DMD: variants seen among roughly 807,000 people sequenced by gnomAD.
DMD encodes mutant dystrophin.
DMD carries 63 observed loss-of-function variants against 330.1 expected under a neutral mutation model. That is an observed-to-expected ratio of 0.19 (90% CI 0.16 to 0.24). The LOEUF is 0.24. DMD is among the 10% of genes least tolerant of loss of function. DMD has a pLI of 1.00. For missense variants in DMD, 3,344 were observed against 2,684.1 expected (o/e 1.25, Z -5.43); for synonymous variants, 1,223 against 959.8 (o/e 1.27, Z -5.07).
intron 11 of DMD, among the ~76,000 whole-genome samples, chrX:32,631,851 A>T (rs1263263463): frequency 9.0e-6 from 1 of 111,288 alleles, no homozygotes; most frequent in Non-Finnish European, 1.9e-5. Flanking sequence ...TGAGGATTGT[A>T]ATTCAATGTG....
chrX:32,269,105 C>A (rs1414774721), intron 43 of DMD, among the ~76,000 whole-genome samples: 1 of 111,137 alleles, frequency 9.0e-6, no homozygotes, highest in Non-Finnish European at 1.9e-5. Context: ...TGGGCTCCCG[C>A]GTGCGCACTA....
At chrX:31,864,157 TA>T (rs747215347) in intron 48 of DMD, among the ~76,000 whole-genome samples, 32 of 111,484 alleles carry the variant, frequency 2.9e-4, no homozygotes, top group African/African-American at 1.0e-3. Flanking sequence ...TTATTTTTTA[TA>T]AATACAATGG....
intron 60 of DMD, among the ~76,000 whole-genome samples, chrX:31,350,218 T>C (rs753288152): frequency 1.8e-5 from 2 of 111,471 alleles, no homozygotes; most frequent in Non-Finnish European, 3.8e-5. Flanking sequence ...ATATAACTCT[T>C]GTGCGTGGCT....
intron 1 of DMD, among the ~76,000 whole-genome samples, chrX:33,077,006 G>T (rs770869733): frequency 9.0e-6 from 1 of 110,807 alleles, no homozygotes; most frequent in African/African-American, 3.3e-5. Flanking sequence ...CTGTCTTCTT[G>T]CGCTGAGTCA....
chrX:33,051,170 T>C (rs2094451332), intron 1 of DMD, among the ~76,000 whole-genome samples: 1 of 110,773 alleles, frequency 9.0e-6, no homozygotes, highest in South Asian at 3.8e-4. Context: ...ACACACTTTT[T>C]TAGCAGATAT....
In DMD at chrX:31,726,703, A is replaced by C. The variant is rs181619524; in HGVS notation, c.7660+2928T>G. ...CAGGGCTGCAAATGACATTGTTTAG[A>C]TAAACATATCTTGTCAGAATTATCC... On this transcript the variant is annotated intron_variant, in intron 52 of 78. Transcript: ENST00000357033. Among the ~76,000 whole-genome samples, 79 of 112,149 alleles carry C rather than the reference A, an allele frequency of 7.0e-4. 1 individual carries two copies. The highest frequency in any genetic ancestry group is 6.0e-3 in the Admixed American group (63 of 10,573).
intron 44 of DMD, among the ~76,000 whole-genome samples, chrX:32,155,973 A>AACACACAC (rs60347530): frequency 0.025 from 2,351 of 95,701 alleles, 30 homozygotes; most frequent in South Asian, 0.043. Context: ...TTTGTCATTC[A>AACACACAC]ACACACACAC....
intron 2 of DMD, among the ~76,000 whole-genome samples, chrX:32,930,478 T>C (rs2089486137): frequency 9.0e-6 from 1 of 111,223 alleles, no homozygotes; most frequent in Non-Finnish European, 1.9e-5. Context: ...TTGTTATTTA[T>C]ACAACTAAAA....
chrX:31,551,431 A>G (rs17338611), intron 55 of DMD, among the ~76,000 whole-genome samples: 16,166 of 110,450 alleles, frequency 0.15, 950 homozygotes, highest in Middle Eastern at 0.23. Context: ...GGACATGGAA[A>G]GGATACCTGC....
At chrX:31,535,860 A>G (rs1441266742) in intron 55 of DMD, among the ~76,000 whole-genome samples, 2 of 111,760 alleles carry the variant, frequency 1.8e-5, no homozygotes, top group Non-Finnish European at 3.8e-5. Flanking sequence ...GTTATAAAAG[A>G]ATGATATCAG....
chrX:32,200,602 TCACA>T (rs199826036), intron 44 of DMD, among the ~76,000 whole-genome samples: 4,776 of 111,995 alleles, frequency 0.043, 107 homozygotes, highest in Middle Eastern at 0.084. Context: ...ACATATGTAA[TCACA>T]CACATATATA....
chrX:32,633,896 A>G (rs1431205112), intron 11 of DMD, among the ~76,000 whole-genome samples: 1 of 111,258 alleles, frequency 9.0e-6, no homozygotes, highest in African/African-American at 3.3e-5. Context: ...CCAATTATGA[A>G]AAATTTGCCC....
chrX:32,577,186 A>G (rs915431694), intron 13 of DMD, among the ~76,000 whole-genome samples: 9 of 111,849 alleles, frequency 8.0e-5, no homozygotes, highest in African/African-American at 2.9e-4. Flanking sequence ...CACCAGGGAT[A>G]TGTGCAACAC....
intron 77 of DMD, among the ~76,000 whole-genome samples, chrX:31,127,928 G>A (rs1321274601): frequency 9.1e-6 from 1 of 110,431 alleles, no homozygotes; most frequent in African/African-American, 3.3e-5. Flanking sequence ...CGATTTCTTA[G>A]GAGTATCAGA....
intron 51 of DMD, among the ~76,000 whole-genome samples, chrX:31,747,786 C>T (rs371385839): frequency 2.6e-4 from 29 of 111,914 alleles, no homozygotes; most frequent in Admixed American, 2.2e-3. Context: ...TGTTCCTAAC[C>T]GAGCTGTTTA....
chrX:33,001,722 A>G (rs1204533387), intron 2 of DMD, among the ~76,000 whole-genome samples: 1 of 85,117 alleles, frequency 1.2e-5, no homozygotes, highest in African/African-American at 3.7e-5. Flanking sequence ...AAGCATTCAA[A>G]TAATTAATAT....
intron 1 of DMD, among the ~76,000 whole-genome samples, chrX:33,051,812 C>T (rs1228990317): frequency 9.2e-6 from 1 of 108,948 alleles, no homozygotes; most frequent in African/African-American, 3.4e-5. Context: ...CCACGCCCAG[C>T]TAATTTTTGT....
chrX:31,338,902 A>G (rs1253941139), intron 61 of DMD, among the ~76,000 whole-genome samples: 1 of 104,656 alleles, frequency 9.6e-6, no homozygotes, highest in Non-Finnish European at 2.0e-5. Flanking sequence ...TGATCCAAAT[A>G]ACATAGATAA....
intron 1 of DMD, chrX:33,159,594 T>G (rs1273553788): frequency 8.9e-6 from 1 of 111,929 alleles, no homozygotes; most frequent in Non-Finnish European, 1.9e-5. Flanking sequence ...CTTCATCCAT[T>G]TTCCTGCAAA....
Sources: gnomAD v4.1 joint callset for allele counts (sites outside exome capture counted in the v4.1 genomes callset) on GRCh38, gnomAD v4.1.1 for gene constraint, MANE v1.5 for transcripts, NCBI Gene and HGNC (gene_info 2026-07-23, HGNC 2026-07-21) for gene names.